Variants in RNF212B observed in about 807,000 individuals in gnomAD.
RNF212B encodes the protein E3 ubiquitin-protein ligase RNF212B.
Under a neutral mutation model 55.5 loss-of-function variants are expected in RNF212B, and 52 were observed. The ratio of observed to expected loss-of-function variants is 0.94; its 90% CI spans 0.75 to 1.18. The LOEUF is 1.18. Among genes scored for constraint, RNF212B ranks in the 50% most tolerant of loss-of-function variants. The pLI is 0.00. For missense variants in RNF212B, 289 were observed against 350.4 expected (o/e 0.82, Z 1.40); for synonymous variants, 99 against 121.4 (o/e 0.82, Z 1.21).
chr14:23,243,589 G>T (rs1007295041), intron 3 of RNF212B, among the ~76,000 whole-genome samples: 1 of 150,718 alleles, frequency 6.6e-6, no homozygotes, highest in African/African-American at 2.4e-5. Context: ...CCAGCAGCTT[G>T]GGAGGCTGAG....
chr14:23,237,131 ATT>A (rs35099689), upstream of RNF212B, among the ~76,000 whole-genome samples: 6 of 140,588 alleles, frequency 4.3e-5, no homozygotes, highest in Admixed American at 7.3e-5. Flanking sequence ...CACCCGGCTA[ATT>A]TTTTTTTTTT....
At chr14:23,259,557 A>G (rs7150196) in intron 5 of RNF212B, 28,552 of 176,266 alleles carry the variant, frequency 0.16, 3,531 homozygotes, top group African/African-American at 0.37. Flanking sequence ...TGTGCTGCCA[A>G]AGCAATCACA....
chr14:23,190,777 C>T (rs1157264642), intron 1 of RNF212B, among the ~76,000 whole-genome samples: 1 of 152,208 alleles, frequency 6.6e-6, no homozygotes, highest in Non-Finnish European at 1.5e-5. Flanking sequence ...TCAAAACCCT[C>T]CAACGCTGCC....
intron 9 of RNF212B, 90 bp downstream of exon 9, chr14:23,263,060 T>G (rs1252828569): frequency 2.5e-6 from 3 of 1,203,278 alleles, no homozygotes. Context: ...ACTGATGAAA[T>G]TTTAGGTCTA....
intron 2 of RNF212B, among the ~76,000 whole-genome samples, chr14:23,208,382 A>G (rs936657914): frequency 2.7e-4 from 41 of 152,174 alleles, no homozygotes; most frequent in Non-Finnish European, 1.5e-4. Context: ...CTGTAGTTCT[A>G]GCTACCTGGA....
chr14:23,215,341 A>C (rs1254868584), intron 2 of RNF212B, among the ~76,000 whole-genome samples: 1 of 152,204 alleles, frequency 6.6e-6, no homozygotes, highest in African/African-American at 2.4e-5. Context: ...TTATAGCAGC[A>C]TCAAGACAGA....
intron 9 of RNF212B, among the ~76,000 whole-genome samples, chr14:23,263,262 T>C (rs1885433216): frequency 6.6e-6 from 1 of 152,240 alleles, no homozygotes; most frequent in African/African-American, 2.4e-5. Context: ...AGTCTTCATC[T>C]CATGCTCCGA....
intron 14 of RNF212B, among the ~76,000 whole-genome samples, chr14:23,271,314 G>C (rs1886061243): frequency 1.3e-5 from 2 of 151,912 alleles, no homozygotes; most frequent in South Asian, 4.2e-4. Flanking sequence ...GTGGTGGCGG[G>C]TGCCTGTAAT....
At chr14:23,267,078 C>T (rs529026062) in intron 11 of RNF212B, among the ~76,000 whole-genome samples, 15 of 151,852 alleles carry the variant, frequency 9.9e-5, no homozygotes, top group Non-Finnish European at 2.1e-4. Context: ...AAGCGATAGT[C>T]CCACTTCAGC....
chr14:23,194,424 T>G (rs1878435165), intron 2 of RNF212B, among the ~76,000 whole-genome samples: 1 of 151,930 alleles, frequency 6.6e-6, no homozygotes, highest in Admixed American at 6.6e-5. Flanking sequence ...TGGGAGAAAT[T>G]TTAATGTACC....
chr14:23,185,958 G>A (rs897853100), intron 1 of RNF212B, among the ~76,000 whole-genome samples: 1 of 152,120 alleles, frequency 6.6e-6, no homozygotes, highest in Non-Finnish European at 1.5e-5. Flanking sequence ...AAATTAGCTG[G>A]GTGTGGTGGC....
intron 2 of RNF212B, among the ~76,000 whole-genome samples, chr14:23,222,719 G>A (rs1429708975): frequency 6.6e-6 from 1 of 152,132 alleles, no homozygotes; most frequent in Non-Finnish European, 1.5e-5. Context: ...GAATATTGAT[G>A]CGAAAATGCT....
At chr14:23,257,593 A>G (rs1172929660) in intron 4 of RNF212B, among the ~76,000 whole-genome samples, 2 of 152,192 alleles carry the variant, frequency 1.3e-5, no homozygotes, top group Admixed American at 6.5e-5. Flanking sequence ...ACAGGGAGGA[A>G]GCAGATGAGA....
At chr14:23,227,988 T>A (rs1594901586) in intron 2 of RNF212B, among the ~76,000 whole-genome samples, 1 of 152,050 alleles carries the variant, frequency 6.6e-6, no homozygotes, top group African/African-American at 2.4e-5. Context: ...CCCAGCACTT[T>A]GGGAGGCCGA....
At chr14:23,237,276 C>A (rs546419925), upstream of RNF212B, among the ~76,000 whole-genome samples, 4 of 152,138 alleles carry the variant, frequency 2.6e-5, no homozygotes, top group South Asian at 8.3e-4. Context: ...ATTACAGGTG[C>A]GTGTCGCCAC....
chr14:23,222,655 C>G (rs1383944456), intron 2 of RNF212B, among the ~76,000 whole-genome samples: 1 of 151,996 alleles, frequency 6.6e-6, no homozygotes, highest in Non-Finnish European at 1.5e-5. Flanking sequence ...TCCCCTATAC[C>G]AAAACCAGAC....
chr14:23,264,316 A>G, intron 10 of RNF212B, 82 bp downstream of exon 10: 2 of 1,209,216 alleles, frequency 1.7e-6, no homozygotes, highest in Non-Finnish European at 2.4e-6. Context: ...ACTTAAATTT[A>G]TATTGGTTTT....
chr14:23,265,184 G>A (rs2179931), intron 11 of RNF212B, among the ~76,000 whole-genome samples: 32,602 of 152,126 alleles, frequency 0.21, 3,600 homozygotes, highest in South Asian at 0.33. Context: ...AAAGATTTGA[G>A]TGATAGAAAG....
intron 4 of RNF212B, among the ~76,000 whole-genome samples, chr14:23,247,081 G>A (rs1292851468): frequency 2.6e-5 from 4 of 151,672 alleles, no homozygotes; most frequent in African/African-American, 7.3e-5. Flanking sequence ...TGGAGACTGC[G>A]GTGAGCCAAG....
Sources: allele counts gnomAD v4.1 joint callset (sites outside exome capture counted in the v4.1 genomes callset), GRCh38; gene constraint gnomAD v4.1.1; transcripts MANE v1.5; gene names NCBI Gene and HGNC (gene_info 2026-07-23, HGNC 2026-07-21).